Variants in UVRAG observed in about 807,000 individuals in gnomAD.
The protein encoded by UVRAG is UV radiation resistance associated, also known as UV radiation resistance-associated gene protein.
Under a neutral mutation model 78.0 loss-of-function variants are expected in UVRAG, and 19 were observed. The observed-to-expected ratio is 0.24, with a 90% CI of 0.17 to 0.36. UVRAG has a LOEUF of 0.36. Ranked by LOEUF, UVRAG falls within the 10% of genes least tolerant of loss-of-function variation. The pLI is 1.00. For synonymous variants in UVRAG, 323 were observed against 324.6 expected (o/e 1.00, Z 0.05); for missense variants, 740 against 853.8 (o/e 0.87, Z 1.66).
chr11:75,815,489 G>A lies in UVRAG; in HGVS notation c.82G>A (p.Ala28Thr). The change falls in exon 1 of 15, where the codon GCG becomes ACG. Residue 28 changes from alanine to threonine, a missense_variant. Physicochemically the swap from Ala to Thr is moderately conservative, Grantham distance 58. Transcript: ENST00000356136. ...CGCTGCTCTGCCTCCCGGTTCTGCCGCGCGGGCCCTGCATGTGGAGCTGCC... is the reference window on the plus strand; with the variant it reads ...CGCTGCTCTGCCTCCCGGTTCTGCCACGCGGGCCCTGCATGTGGAGCTGCC... The part of the protein sequence containing the change: ...PAAALPPGSA[A>T]RALHVELPSQ... 8.0e-7 allele frequency: 1 copy of A among 1,243,702 alleles called. No homozygotes were observed. The highest frequency in any genetic ancestry group is 3.1e-5 in the East Asian group (1 of 31,806). The allele number at this position is 1,243,702 out of a possible 1,614,324, so 77.0% of individuals were successfully genotyped here.
chr11:75,884,606 G>T (rs1276630680), intron 4 of UVRAG, among the ~76,000 whole-genome samples: 1 of 152,012 alleles, frequency 6.6e-6, no homozygotes, highest in Non-Finnish European at 1.5e-5. Flanking sequence ...AAAGTGCAAG[G>T]TTCATTGTTT....
rs551594437 is a variant in UVRAG, at chr11:75,992,912, G to T, written c.826+9399G>T. On this transcript the variant is annotated intron_variant, in intron 8 of 14. Coordinates refer to ENST00000356136, the MANE Select transcript of UVRAG (RefSeq NM_003369.4). ...TTTGATTTAGTTTGTTTGCTAGGGA[G>T]TAGTGAAATGATTTGCTGATATGAA... Among the ~76,000 whole-genome samples the T allele has an allele frequency of 1.2e-4, 18 of 152,340 alleles. No individual in the cohort carries two copies. The South Asian group carries it at 3.7e-3, about 32-fold the overall frequency.
intron 2 of UVRAG, among the ~76,000 whole-genome samples, chr11:75,857,592 C>T (rs1024211116): frequency 6.0e-5 from 9 of 150,138 alleles, no homozygotes; most frequent in Admixed American, 1.3e-4. Context: ...CAGGTTCAAA[C>T]GATTCGTCTG....
At chr11:75,987,020 G>C (rs1245853719) in intron 8 of UVRAG, among the ~76,000 whole-genome samples, 1 of 152,068 alleles carries the variant, frequency 6.6e-6, no homozygotes, top group Non-Finnish European at 1.5e-5. Flanking sequence ...TTGGACATTT[G>C]GGTTGTTTCC....
chr11:75,980,930 C>G (rs931128690), intron 7 of UVRAG, among the ~76,000 whole-genome samples: 3 of 152,098 alleles, frequency 2.0e-5, no homozygotes, highest in African/African-American at 7.2e-5. Flanking sequence ...ATCCACGTGC[C>G]TCAGTCTCCC....
At chr11:76,025,359 G>T (rs116231771) in intron 12 of UVRAG, among the ~76,000 whole-genome samples, 112 of 152,280 alleles carry the variant, frequency 7.4e-4, no homozygotes, top group African/African-American at 2.6e-3. Flanking sequence ...ATTCAGAATG[G>T]ATTAGTGAAA....
rs144266134 is a variant in UVRAG, at chr11:75,825,711, A to G, written c.117+10187A>G. 2.9e-3 allele frequency among the ~76,000 whole-genome samples: 437 copies of G among 152,256 alleles called. 2 individuals carry two copies. The highest frequency in any genetic ancestry group is 5.2e-3 in the Non-Finnish European group (356 of 67,998). ...TAGCTATTTATTCTTGCCCTGGAGTATTTAGTAAAGAGTATTAGTTTAACA... is the reference window on the plus strand; with the variant it reads ...TAGCTATTTATTCTTGCCCTGGAGTGTTTAGTAAAGAGTATTAGTTTAACA... On this transcript the variant is annotated intron_variant, in intron 1 of 14. Transcript: ENST00000356136.
chr11:76,112,943 G>A (rs1459139674), intron 13 of UVRAG, among the ~76,000 whole-genome samples: 2 of 151,810 alleles, frequency 1.3e-5, no homozygotes, highest in Non-Finnish European at 2.9e-5. Context: ...GCCCAGACTC[G>A]TCTGAAACTC....
intron 6 of UVRAG, among the ~76,000 whole-genome samples, chr11:75,919,917 A>G (rs182465980): frequency 6.6e-6 from 1 of 151,922 alleles, no homozygotes; most frequent in Non-Finnish European, 1.5e-5. Context: ...AGTAAAATAG[A>G]AAAGTGTAAT....
chr11:75,985,927 C>A (rs1301507515), intron 8 of UVRAG, among the ~76,000 whole-genome samples: 1 of 151,940 alleles, frequency 6.6e-6, no homozygotes, highest in Non-Finnish European at 1.5e-5. Context: ...TAATTTTTTT[C>A]ATGTTATAAT....
intron 1 of UVRAG, among the ~76,000 whole-genome samples, chr11:75,831,208 G>A (rs561725191): frequency 3.3e-5 from 5 of 152,302 alleles, no homozygotes; most frequent in African/African-American, 1.2e-4. Flanking sequence ...CTAGTGGGTG[G>A]CCGGGAACGG....
At chr11:75,817,898 G>GAA (rs111248538) in intron 1 of UVRAG, among the ~76,000 whole-genome samples, 4 of 104,004 alleles carry the variant, frequency 3.8e-5, no homozygotes, top group Non-Finnish European at 8.7e-5. Context: ...ACAAAAAAAA[G>GAA]AAAAAAAAAA....
At chr11:75,988,702 T>A (rs1237205784) in intron 8 of UVRAG, among the ~76,000 whole-genome samples, 1 of 152,256 alleles carries the variant, frequency 6.6e-6, no homozygotes, top group Non-Finnish European at 1.5e-5. Context: ...CAACTAGCAA[T>A]GTATGAGAGT....
chr11:75,860,364 T>G (rs541751507), intron 2 of UVRAG, among the ~76,000 whole-genome samples: 1 of 152,310 alleles, frequency 6.6e-6, no homozygotes, highest in East Asian at 1.9e-4. Context: ...ATTCGCTTTC[T>G]CAAAAGAAAA....
In UVRAG at chr11:76,007,634, T is replaced by A. The variant is rs766161999; in HGVS notation, c.999+13T>A. ...CCCTATTGATTTGGTAAGTTTCAAA[T>A]TTTCTGAAAATATTTTTCGTTTTGA... is the stretch of plus-strand genomic sequence containing the variant. On this transcript the variant is annotated intron_variant, in intron 10 of 14. Coordinates refer to ENST00000356136, the MANE Select transcript of UVRAG (RefSeq NM_003369.4). The A allele has an allele frequency of 6.2e-7, 1 of 1,602,496 alleles. No individual in the cohort carries two copies.
intron 13 of UVRAG, among the ~76,000 whole-genome samples, chr11:76,092,240 A>T (rs965963836): frequency 1.3e-5 from 2 of 152,122 alleles, no homozygotes; most frequent in South Asian, 2.1e-4. Flanking sequence ...TCTATCATTG[A>T]TGGACATTTG....
At chr11:75,908,766 A>G (rs770119356) in intron 5 of UVRAG, among the ~76,000 whole-genome samples, 5 of 79,980 alleles carry the variant, frequency 6.3e-5, no homozygotes, top group African/African-American at 1.0e-4. Context: ...TACAAATTCT[A>G]TCTACCTCTT....
intron 12 of UVRAG, among the ~76,000 whole-genome samples, chr11:76,063,651 G>A (rs1591192901): frequency 1.3e-5 from 2 of 152,034 alleles, no homozygotes; most frequent in South Asian, 2.1e-4. Context: ...ATAATAAATT[G>A]TATTGAATCT....
chr11:75,958,505 A>G (rs1948846226), intron 6 of UVRAG, among the ~76,000 whole-genome samples: 1 of 152,338 alleles, frequency 6.6e-6, no homozygotes, highest in African/African-American at 2.4e-5. Flanking sequence ...TTTGATCATG[A>G]GATCACAGCA....
Sources: allele counts gnomAD v4.1 joint callset (sites outside exome capture counted in the v4.1 genomes callset), GRCh38; gene constraint gnomAD v4.1.1; transcripts MANE v1.5; gene names NCBI Gene and HGNC (gene_info 2026-07-23, HGNC 2026-07-21).